The following CCAR1 variants were observed in gnomAD, a reference collection of about 807,000 sequenced individuals.
The protein encoded by CCAR1 is cell division cycle and apoptosis regulator protein 1.
A neutral mutation model predicts 163.8 loss-of-function variants in CCAR1; 78 were observed. The ratio of observed to expected loss-of-function variants is 0.48; its 90% CI spans 0.40 to 0.57. The LOEUF (loss-of-function observed/expected upper bound fraction) is 0.57. Among genes scored for constraint, CCAR1 ranks in the 20% least tolerant of loss-of-function variants. The pLI is 0.00. For synonymous variants in CCAR1, 443 were observed against 460.7 expected (o/e 0.96, Z 0.49); for missense variants, 1,019 against 1,365.2 (o/e 0.75, Z 4.00).
rs186174474 is a variant in CCAR1, at chr10:68,773,416, A to T, written c.2650+317A>T. 5.3e-3 allele frequency among the ~76,000 whole-genome samples: 806 copies of T among 152,278 alleles called. 4 individuals are homozygous for T. The highest frequency in any genetic ancestry group is 8.0e-3 in the Admixed American group (123 of 15,280). On this transcript the variant is annotated intron_variant, in intron 19 of 24. Coordinates refer to ENST00000265872, the MANE Select transcript of CCAR1 (RefSeq NM_018237.4). ...GGGGGCTCACACCTGTAATCCCAGC[A>T]CTTTGGGAGGCCAAGGCAGGTGATC...
intron 5 of CCAR1, among the ~76,000 whole-genome samples, 172 bp downstream of exon 5, chr10:68,740,833 T>G (rs949600501): frequency 1.3e-5 from 2 of 151,880 alleles, no homozygotes; most frequent in African/African-American, 2.4e-5. Context: ...TTTGATGGTT[T>G]CTCCTTGTAG....
chr10:68,786,739 T>TA, intron 21 of CCAR1, 47 bp downstream of exon 21: 1 of 1,500,894 alleles, frequency 6.7e-7, no homozygotes, highest in Non-Finnish European at 9.0e-7. Flanking sequence ...TTTTAAAAGT[T>TA]ACCTTTCCAG....
At chr10:68,774,111 C>T (rs963666745) in intron 19 of CCAR1, among the ~76,000 whole-genome samples, 7 of 151,908 alleles carry the variant, frequency 4.6e-5, no homozygotes, top group African/African-American at 9.7e-5. Context: ...AGGCTGGTCT[C>T]GAACTCCCCA....
At chr10:68,786,344 T>G (rs1327103511) in intron 20 of CCAR1, 126 bp downstream of exon 20, 2 of 795,798 alleles carry the variant, frequency 2.5e-6, no homozygotes. Flanking sequence ...CTGTCAGTTG[T>G]TTTTTTGTGG....
At chr10:68,732,163 G>A (rs2056048464) in intron 2 of CCAR1, among the ~76,000 whole-genome samples, 1 of 152,180 alleles carries the variant, frequency 6.6e-6, no homozygotes, top group Middle Eastern at 3.2e-3. Flanking sequence ...GTGGATGAAA[G>A]TGATGTCATG....
intron 2 of CCAR1, 58 bp downstream of exon 2, chr10:68,722,635 T>C: frequency 3.7e-6 from 5 of 1,335,380 alleles, no homozygotes; most frequent in Non-Finnish European, 5.4e-6. Flanking sequence ...TAAAACTACG[T>C]GAATTAGGGC....
intron 24 of CCAR1, 54 bp downstream of exon 24, chr10:68,789,969 TG>T (rs2067306856): frequency 9.0e-7 from 1 of 1,116,624 alleles, no homozygotes; most frequent in African/African-American, 1.6e-5. Flanking sequence ...CTAACTCTGG[TG>T]TTTTTAATGT....
chr10:68,788,480 A>T (rs1353916411), intron 23 of CCAR1, 152 bp downstream of exon 23: 2 of 437,286 alleles, frequency 4.6e-6, no homozygotes, highest in Non-Finnish European at 7.5e-6. Context: ...ACTTTTTAAA[A>T]TTTTTTATTA....
intron 2 of CCAR1, among the ~76,000 whole-genome samples, chr10:68,728,906 C>G (rs1307909494): frequency 6.6e-6 from 1 of 151,138 alleles, no homozygotes; most frequent in Non-Finnish European, 1.5e-5. Context: ...GAGCCGAGAT[C>G]GTGCCATTGC....
chr10:68,721,455 C>A, intron 1 of CCAR1, 173 bp downstream of exon 1: 1 of 334,896 alleles, frequency 3.0e-6, no homozygotes, highest in South Asian at 2.1e-5. Context: ...CCCTTTTGTG[C>A]GGGTCGGAGC....
chr10:68,776,453 C>G (rs1189762657), intron 19 of CCAR1, among the ~76,000 whole-genome samples: 2 of 152,010 alleles, frequency 1.3e-5, no homozygotes, highest in Non-Finnish European at 2.9e-5. Flanking sequence ...GTAATCCCAG[C>G]TACTTGGGAG....
At position 68,749,590 on chromosome 10, in the gene CCAR1, A is replaced by G; in HGVS notation, c.1023A>G (p.Glu341=). The change falls in exon 10 of 25, where the codon GAA becomes GAG. Residue 341 remains glutamate (E), a synonymous_variant. Coordinates refer to ENST00000265872, the MANE Select transcript of CCAR1 (RefSeq NM_018237.4). The part of the protein sequence containing the change: ...ERSPQRKRSR[E]RSPRRERERS... ...CACCTCAGAGGAAACGTTCCCGGGAAAGATCTCCACGAAGAGAGCGAGAGC... is the reference window on the plus strand; with the variant it reads ...CACCTCAGAGGAAACGTTCCCGGGAGAGATCTCCACGAAGAGAGCGAGAGC... 1.9e-6 allele frequency: 3 copies of G among 1,613,796 alleles called. No individual in the cohort carries two copies. The highest frequency in any genetic ancestry group is 1.1e-5 in the South Asian group (1 of 91,070).
intron 19 of CCAR1, chr10:68,775,073 A>G (rs2056647700): frequency 3.3e-6 from 1 of 306,838 alleles, no homozygotes; most frequent in Non-Finnish European, 6.2e-6. Flanking sequence ...CAAAAAGTTG[A>G]TAGTGCAGTG....
chr10:68,736,816 A>G (rs2056116928), intron 2 of CCAR1, 60 bp from the exon 3 acceptor site: 4 of 1,482,330 alleles, frequency 2.7e-6, no homozygotes, highest in Admixed American at 1.9e-5. Flanking sequence ...TACTGTTTTC[A>G]TATTTTTTAT....
chr10:68,757,456 C>A, intron 15 of CCAR1, 79 bp downstream of exon 15: 1 of 789,016 alleles, frequency 1.3e-6, no homozygotes. Flanking sequence ...GCTCTGTCGC[C>A]CAGGCTGGAG....
chr10:68,726,888 C>T (rs915155292), intron 2 of CCAR1, among the ~76,000 whole-genome samples: 3 of 151,186 alleles, frequency 2.0e-5, no homozygotes, highest in East Asian at 2.0e-4. Flanking sequence ...CCCAGCTATT[C>T]GGGAGGCTGA....
In CCAR1 at chr10:68,771,188, G is replaced by GT; in HGVS notation, c.2299-16dup. The GT allele has an allele frequency of 6.4e-7, 1 of 1,569,584 alleles. No individual in the cohort carries two copies. The highest frequency in any genetic ancestry group is 1.2e-5 in the South Asian group (1 of 82,410). On this transcript the variant is annotated splice_polypyrimidine_tract_variant and intron_variant, in intron 17 of 24. Transcript: ENST00000265872. ...TCTGTTGAAATTTGGCTAGGTTCAT[G>GT]TTGATATCTTTTTATAGGTTTCATT... is the stretch of plus-strand genomic sequence containing the variant.
At chr10:68,736,674 G>C (rs1262735425) in intron 2 of CCAR1, among the ~76,000 whole-genome samples, 1 of 152,134 alleles carries the variant, frequency 6.6e-6, no homozygotes, top group Non-Finnish European at 1.5e-5. Flanking sequence ...AGGCTGAATA[G>C]TATTCCCTTG....
At chr10:68,783,280 C>A (rs1470266429) in intron 19 of CCAR1, among the ~76,000 whole-genome samples, 2 of 152,066 alleles carry the variant, frequency 1.3e-5, no homozygotes, top group Non-Finnish European at 2.9e-5. Context: ...AGCTCCGCCT[C>A]CCAGGTTCAT....
Sources: gnomAD v4.1 joint callset for allele counts (sites outside exome capture counted in the v4.1 genomes callset) on GRCh38, gnomAD v4.1.1 for gene constraint, MANE v1.5 for transcripts, NCBI Gene and HGNC (gene_info 2026-07-23, HGNC 2026-07-21) for gene names.